DPYS: variants seen among roughly 807,000 people sequenced by gnomAD.
DPYS encodes the protein dihydropyrimidinase.
DPYS carries 39 observed loss-of-function variants against 50.3 expected under a neutral mutation model. The ratio of observed to expected loss-of-function variants is 0.78; its 90% CI spans 0.60 to 1.01. The LOEUF (loss-of-function observed/expected upper bound fraction) is 1.01, where lower values mean the gene tolerates loss of function less well. DPYS is among the 50% of genes least tolerant of loss of function. DPYS has a pLI of 0.00. For missense variants in DPYS, 659 were observed against 680.9 expected (o/e 0.97, Z 0.36); for synonymous variants, 245 against 250.7 (o/e 0.98, Z 0.22).
At position 104,393,063 on chromosome 8, in the gene DPYS, G is replaced by A. The variant is rs1811453458; in HGVS notation, c.1236-72C>T. 2.8e-6 allele frequency: 4 copies of A among 1,433,944 alleles called. No homozygotes were observed. In the South Asian group the frequency reaches 4.8e-5, roughly 17 times the overall value. The allele number at this position is 1,433,944 out of a possible 1,614,324, so 88.8% of individuals were successfully genotyped here. A position where few individuals can be genotyped will look rare whatever the true frequency, so the allele number is the denominator to read the frequency against. On this transcript the variant is annotated intron_variant, in intron 7 of 9. Coordinates refer to ENST00000351513, the MANE Select transcript of DPYS (RefSeq NM_001385.3). ...ACTTGATAAATATAAAATATTAAAAGAAGAATGACTTAGAAGAAAACTTAG... is the reference window on the plus strand; with the variant it reads ...ACTTGATAAATATAAAATATTAAAAAAAGAATGACTTAGAAGAAAACTTAG...
At chr8:104,412,526 G>A (rs1397594644) in intron 7 of DPYS, among the ~76,000 whole-genome samples, 1 of 152,164 alleles carries the variant, frequency 6.6e-6, no homozygotes, top group Non-Finnish European at 1.5e-5. Flanking sequence ...TCACCAAATA[G>A]GTGAATATTC....
In DPYS at chr8:104,459,414, A is replaced by G. The variant is rs117238029; in HGVS notation, c.264+7243T>C. ...TACCTCTAGTCTGTTTACCGCTGAG[A>G]ACAAATACCATGGTTTTCATCTCTA... On this transcript the variant is annotated intron_variant, in intron 1 of 9. Coordinates refer to ENST00000351513, the MANE Select transcript of DPYS (RefSeq NM_001385.3). 5.0e-3 allele frequency among the ~76,000 whole-genome samples: 759 copies of G among 152,350 alleles called. 1 individual carries two copies. Among genetic ancestry groups the G allele is most frequent in the Non-Finnish European group, 8.3e-3 (563 of 68,026 alleles).
chr8:104,466,311 C>A (rs1814388563), intron 1 of DPYS, among the ~76,000 whole-genome samples: 1 of 152,192 alleles, frequency 6.6e-6, no homozygotes, highest in Non-Finnish European at 1.5e-5. Flanking sequence ...CCACAGAACA[C>A]CAATCAAAAT....
intron 4 of DPYS, among the ~76,000 whole-genome samples, chr8:104,431,258 C>T (rs1161378185): frequency 2.6e-5 from 4 of 152,054 alleles, no homozygotes; most frequent in Admixed American, 2.6e-4. Flanking sequence ...ATTTTAACAG[C>T]ACTCAGGAAA....
chr8:104,388,171 C>T (rs1359265952), intron 8 of DPYS, among the ~76,000 whole-genome samples: 1 of 152,204 alleles, frequency 6.6e-6, no homozygotes, highest in African/African-American at 2.4e-5. Flanking sequence ...GAATACCCAT[C>T]TCAAGGACCA....
intron 1 of DPYS, among the ~76,000 whole-genome samples, chr8:104,461,299 T>A (rs970722422): frequency 2.1e-5 from 3 of 145,318 alleles, no homozygotes; most frequent in Non-Finnish European, 4.5e-5. Context: ...CTCAATAAAA[T>A]AAAATAAAAT....
chr8:104,392,348 C>A (rs1811416916), intron 8 of DPYS, among the ~76,000 whole-genome samples: 1 of 152,170 alleles, frequency 6.6e-6, no homozygotes, highest in African/African-American at 2.4e-5. Context: ...TGCTCCTACC[C>A]ATTTTATCTC....
At chr8:104,409,999 T>G (rs1812120546) in intron 7 of DPYS, among the ~76,000 whole-genome samples, 1 of 152,218 alleles carries the variant, frequency 6.6e-6, no homozygotes, top group Non-Finnish European at 1.5e-5. Context: ...GGGGTGTTCC[T>G]TATCTGTCTA....
intron 7 of DPYS, among the ~76,000 whole-genome samples, chr8:104,399,290 C>CAAAAAAAAAAAAAAAAAA (rs11323938): frequency 1.2e-4 from 9 of 74,918 alleles, no homozygotes; most frequent in Non-Finnish European, 1.6e-4. Context: ...GACTCCATCT[C>CAAAAAAAAAAAAAAAAAA]AAAAAAAAAA....
At chr8:104,455,221 A>T (rs894109750) in intron 1 of DPYS, among the ~76,000 whole-genome samples, 1 of 152,332 alleles carries the variant, frequency 6.6e-6, no homozygotes, top group Non-Finnish European at 1.5e-5. Context: ...GCAGGGTTGG[A>T]ATCTGAGTCA....
At chr8:104,442,394 TCTG>T (rs1284024902) in intron 4 of DPYS, among the ~76,000 whole-genome samples, 5 of 152,224 alleles carry the variant, frequency 3.3e-5, no homozygotes, top group African/African-American at 1.2e-4. Flanking sequence ...AGTGAAAATT[TCTG>T]CTGATTTCAC....
intron 4 of DPYS, among the ~76,000 whole-genome samples, chr8:104,437,078 G>A (rs1266707891): frequency 6.6e-6 from 1 of 152,030 alleles, no homozygotes; most frequent in Non-Finnish European, 1.5e-5. Flanking sequence ...TTTTTAAAAA[G>A]GTGAAAATAG....
intron 7 of DPYS, among the ~76,000 whole-genome samples, chr8:104,409,239 C>T (rs1223696717): frequency 6.6e-6 from 1 of 151,518 alleles, no homozygotes; most frequent in African/African-American, 2.4e-5. Context: ...AATCCCAGCA[C>T]TTTGGGAGGC....
rs151050057 is a variant in DPYS, at chr8:104,381,025, TA to T, written c.*14+158del. ...CCTTCTACAATCTGGAAGGCTTATCTAAATGTTCTGCTTTGATCAATCTTCC... is the reference window on the plus strand; with the variant it reads ...CCTTCTACAATCTGGAAGGCTTATCTAATGTTCTGCTTTGATCAATCTTCC... On this transcript the variant is annotated intron_variant, in intron 9 of 9. Transcript: ENST00000351513. 376 of 650,014 alleles carry T rather than the reference TA, an allele frequency of 5.8e-4. 1 individual carries two copies. The African/African-American group carries it at 6.0e-3, about 10-fold the overall frequency. 40.3% of individuals were successfully genotyped at this position (650,014 alleles called of 1,614,324 possible).
At chr8:104,453,726 T>A (rs886623565) in intron 1 of DPYS, among the ~76,000 whole-genome samples, 3 of 152,250 alleles carry the variant, frequency 2.0e-5, no homozygotes, top group African/African-American at 7.2e-5. Context: ...CATGTTCTCG[T>A]AAAGACTTGC....
intron 7 of DPYS, among the ~76,000 whole-genome samples, chr8:104,412,079 G>A (rs1219761383): frequency 6.6e-6 from 1 of 152,134 alleles, no homozygotes; most frequent in African/African-American, 2.4e-5. Context: ...TTTTGGGGAG[G>A]GCACCAAGGA....
At chr8:104,435,932 A>G (rs1188773659) in intron 4 of DPYS, among the ~76,000 whole-genome samples, 1 of 152,182 alleles carries the variant, frequency 6.6e-6, no homozygotes, top group Non-Finnish European at 1.5e-5. Context: ...GGGGAGTGAC[A>G]GCCTAACCTG....
intron 7 of DPYS, among the ~76,000 whole-genome samples, chr8:104,411,124 A>G (rs1812159736): frequency 6.6e-6 from 1 of 152,176 alleles, no homozygotes; most frequent in African/African-American, 2.4e-5. Context: ...ATCCTTCACT[A>G]TGTTTATATC....
At chr8:104,456,006 C>T (rs748747471) in intron 1 of DPYS, among the ~76,000 whole-genome samples, 1 of 152,082 alleles carries the variant, frequency 6.6e-6, no homozygotes, top group Non-Finnish European at 1.5e-5. Flanking sequence ...ACATGTATGA[C>T]GGTGGCCCCA....
Sources: allele counts gnomAD v4.1 joint callset (sites outside exome capture counted in the v4.1 genomes callset), GRCh38; gene constraint gnomAD v4.1.1; transcripts MANE v1.5; gene names NCBI Gene and HGNC (gene_info 2026-07-23, HGNC 2026-07-21).